The following TTC29 variants were observed in gnomAD, a reference collection of about 807,000 sequenced individuals.
The protein encoded by TTC29 is tetratricopeptide repeat domain 29, also known as tetratricopeptide repeat protein 29.
TTC29 carries 49 observed loss-of-function variants against 58.1 expected under a neutral mutation model. The ratio of observed to expected loss-of-function variants is 0.84; its 90% confidence interval spans 0.67 to 1.07. The LOEUF (loss-of-function observed/expected upper bound fraction) is 1.07. TTC29 is among the 50% of genes least tolerant of loss of function. TTC29 has a pLI of 0.00. For missense variants in TTC29, 582 were observed against 555.6 expected, an observed-to-expected ratio of 1.05 and a Z score of -0.48; for synonymous variants, 209 against 196.8, an observed-to-expected ratio of 1.06 and a Z score of -0.52.
At chr4:146,708,357 C>CACATGTATATATATATATATATAT (rs1561047207) in intron 11 of TTC29, among the ~76,000 whole-genome samples, 2 of 16,812 alleles carry the variant, frequency 1.2e-4, no homozygotes, top group African/African-American at 2.8e-4. Context: ...TATATATATA[C>CACATGTATATATATATATATATAT]ACATGTATGT....
chr4:146,796,613 A>G (rs1025241847), intron 11 of TTC29, among the ~76,000 whole-genome samples: 3 of 152,198 alleles, frequency 2.0e-5, no homozygotes, highest in African/African-American at 7.2e-5. Flanking sequence ...GATATAATCC[A>G]TTAGAGATGT....
At chr4:146,771,998 G>C (rs951279503) in intron 11 of TTC29, among the ~76,000 whole-genome samples, 1 of 152,150 alleles carries the variant, frequency 6.6e-6, no homozygotes, top group Non-Finnish European at 1.5e-5. Context: ...TTTCTCTAAT[G>C]ATTAGTGATG....
chr4:146,904,141 G>C (rs530555379), intron 5 of TTC29, among the ~76,000 whole-genome samples: 77 of 152,234 alleles, frequency 5.1e-4, no homozygotes, highest in Non-Finnish European at 9.4e-4. Context: ...ATGTTTCTCA[G>C]CCATAGCAAA....
chr4:146,794,621 TAGTATTAG>T (rs1467012806), intron 11 of TTC29, among the ~76,000 whole-genome samples: 1 of 152,084 alleles, frequency 6.6e-6, no homozygotes, highest in Non-Finnish European at 1.5e-5. Flanking sequence ...ACTGATACGT[TAGTATTAG>T]AATTAAAAAT....
rs79116252 is a variant in TTC29 at position 146,719,775 on chromosome 4, T to C, written c.1331-12224A>G. Among the ~76,000 whole-genome samples, 839 of 152,272 alleles carry C rather than the reference T, an allele frequency of 5.5e-3. 64 individuals carry two copies. The East Asian group carries it at 0.13, about 24-fold the overall frequency. On this transcript the variant is annotated intron_variant, in intron 11 of 12. Transcript: ENST00000325106. ...AGGGTTTCCATCATGTAAGTTGTTG[T>C]CTTTATTTCATTATACTTTGATTCA... is the stretch of plus-strand genomic sequence containing the variant.
chr4:146,816,641 G>C (rs964448502), intron 10 of TTC29, among the ~76,000 whole-genome samples: 2 of 152,014 alleles, frequency 1.3e-5, no homozygotes, highest in African/African-American at 4.8e-5. Context: ...GGGAGAAGAA[G>C]GGCCAGAAGA....
chr4:146,715,726 A>C (rs967808035), intron 11 of TTC29, among the ~76,000 whole-genome samples: 1 of 152,162 alleles, frequency 6.6e-6, no homozygotes, highest in African/African-American at 2.4e-5. Context: ...ATGGTTAACT[A>C]TAATTTATTG....
intron 11 of TTC29, among the ~76,000 whole-genome samples, chr4:146,793,908 C>G (rs909795500): frequency 1.3e-5 from 2 of 152,108 alleles, no homozygotes; most frequent in African/African-American, 4.8e-5. Context: ...ATAACATTTG[C>G]ATGGTTAAAT....
chr4:146,784,457 A>G (rs1019943143), intron 11 of TTC29, among the ~76,000 whole-genome samples: 1 of 151,960 alleles, frequency 6.6e-6, no homozygotes, highest in Non-Finnish European at 1.5e-5. Context: ...TAAAATTCCT[A>G]TGTTGAAATC....
chr4:146,793,175 G>C (rs1749592186), intron 11 of TTC29, among the ~76,000 whole-genome samples: 1 of 152,122 alleles, frequency 6.6e-6, no homozygotes. Context: ...GAGTTTGAGA[G>C]GTTTGACTCC....
rs189621856 is a variant in TTC29, at chr4:146,728,062, G to A, written c.1331-20511C>T. 1.2e-3 allele frequency among the ~76,000 whole-genome samples: 182 copies of A among 152,212 alleles called. No individual in the cohort carries two copies. The Middle Eastern group carries it at 0.017, about 14-fold the overall frequency. On this transcript the variant is annotated intron_variant, in intron 11 of 12. Transcript: ENST00000325106. ...AGCATTTTGGGAGGCCAAGGTGGGT[G>A]GGTCACCTGAGGTTAGGCATTCAAG...
chr4:146,805,614 G>A (rs916948306), intron 10 of TTC29, among the ~76,000 whole-genome samples: 2 of 151,748 alleles, frequency 1.3e-5, no homozygotes, highest in East Asian at 2.0e-4. Flanking sequence ...TAGCTGAATC[G>A]ATCAAGCAGA....
intron 6 of TTC29, among the ~76,000 whole-genome samples, chr4:146,889,308 T>G (rs1047638620): frequency 1.3e-5 from 2 of 152,138 alleles, no homozygotes; most frequent in African/African-American, 4.8e-5. Flanking sequence ...AACCTAACCC[T>G]TTCAATAATT....
At chr4:146,805,784 C>G (rs1034567556) in intron 10 of TTC29, among the ~76,000 whole-genome samples, 15 of 152,056 alleles carry the variant, frequency 9.9e-5, no homozygotes, top group Non-Finnish European at 2.1e-4. Flanking sequence ...AAGTGATGGG[C>G]AGAATGGATC....
intron 7 of TTC29, among the ~76,000 whole-genome samples, chr4:146,868,574 C>G (rs28558407): frequency 0.059 from 9,042 of 151,996 alleles, 906 homozygotes; most frequent in African/African-American, 0.21. Flanking sequence ...AGAAATTAAC[C>G]ACTTCTTTCC....
At chr4:146,788,126 C>T (rs1054823456) in intron 11 of TTC29, among the ~76,000 whole-genome samples, 8 of 152,218 alleles carry the variant, frequency 5.3e-5, no homozygotes, top group Admixed American at 4.6e-4. Context: ...GACTGCACAG[C>T]CTTTCACCAC....
At chr4:146,849,488 C>T (rs1729378772) in intron 8 of TTC29, among the ~76,000 whole-genome samples, 1 of 152,176 alleles carries the variant, frequency 6.6e-6, no homozygotes, top group Admixed American at 6.5e-5. Flanking sequence ...CATACAGGGA[C>T]ATTCATCGCA....
rs957163309 is a variant in TTC29 at position 146,761,788 on chromosome 4, G to A, written c.1330+41669C>T. ...AATGTCTCTGGGCTCAAAACCACCT[G>A]CTGGCTTATATTAGCTAATTAATGA... On this transcript the variant is annotated intron_variant, in intron 11 of 12. Transcript: ENST00000325106. Among the ~76,000 whole-genome samples the A allele has an allele frequency of 4.0e-5, 6 of 149,134 alleles. No individual in the cohort carries two copies. In the South Asian group the frequency reaches 8.4e-4, roughly 21 times the overall value.
intron 11 of TTC29, among the ~76,000 whole-genome samples, chr4:146,748,975 G>C (rs1245486779): frequency 1.3e-5 from 2 of 152,114 alleles, no homozygotes; most frequent in African/African-American, 4.8e-5. Context: ...AGAGAGATGA[G>C]CTAATGAAAT....
Sources: gnomAD v4.1 joint callset for allele counts (sites outside exome capture counted in the v4.1 genomes callset) on GRCh38, gnomAD v4.1.1 for gene constraint, MANE v1.5 for transcripts, NCBI Gene and HGNC (gene_info 2026-07-23, HGNC 2026-07-21) for gene names.